Variants in PVT1 observed in about 807,000 individuals in gnomAD.
PVT1 encodes Pvt1 oncogene, also known as CXCR4/PVT1 fusion.
chr8:128,057,137 C>T (rs1161736257), intron 4 of PVT1, among the ~76,000 whole-genome samples: 1 of 152,176 alleles, frequency 6.6e-6, no homozygotes, highest in Non-Finnish European at 1.5e-5. Context: ...GCTGATTTAC[C>T]CCAGGTCCAG....
At chr8:128,047,791 T>A (rs1563674872) in intron 4 of PVT1, among the ~76,000 whole-genome samples, 1 of 152,212 alleles carries the variant, frequency 6.6e-6, no homozygotes. Context: ...TGTGAGATGA[T>A]GCACCTGTTA....
chr8:127,798,447 C>T (rs1385915083), intron 2 of PVT1, among the ~76,000 whole-genome samples: 2 of 152,070 alleles, frequency 1.3e-5, no homozygotes, highest in Non-Finnish European at 2.9e-5. Context: ...TGCCTGCCGA[C>T]CTTTTCTGCA....
intron 3 of PVT1, among the ~76,000 whole-genome samples, chr8:127,980,433 G>C (rs1054174713): frequency 6.6e-6 from 1 of 152,148 alleles, no homozygotes; most frequent in African/African-American, 2.4e-5. Flanking sequence ...CATACTGGGG[G>C]CGTGACTTCC....
intron 3 of PVT1, among the ~76,000 whole-genome samples, chr8:127,961,838 C>G (rs557727534): frequency 3.3e-5 from 5 of 152,366 alleles, no homozygotes; most frequent in South Asian, 2.1e-4. Context: ...AGAGGCCCCC[C>G]CTGCCCGAGT....
At chr8:128,049,258 C>G (rs373728640) in intron 4 of PVT1, 1 of 512,850 alleles carries the variant, frequency 1.9e-6, no homozygotes, top group African/African-American at 2.0e-5. Flanking sequence ...TACACAGAAG[C>G]AGGTCATTTC....
At chr8:127,813,830 T>A (rs530833394) in intron 2 of PVT1, among the ~76,000 whole-genome samples, 2 of 152,212 alleles carry the variant, frequency 1.3e-5, no homozygotes, top group East Asian at 3.9e-4. Flanking sequence ...AGACCCAGGC[T>A]GGAGTGCAAT....
At chr8:128,042,684 C>CGA (rs1813559909) in intron 4 of PVT1, among the ~76,000 whole-genome samples, 1 of 152,158 alleles carries the variant, frequency 6.6e-6, no homozygotes, top group Non-Finnish European at 1.5e-5. Context: ...TGAGCCTTCT[C>CGA]ACCTGTATGA....
chr8:127,895,095 A>G (rs549203323), intron 3 of PVT1, among the ~76,000 whole-genome samples: 2 of 152,366 alleles, frequency 1.3e-5, no homozygotes, highest in South Asian at 4.1e-4. Context: ...CTGGGATTGA[A>G]TTATGAAATA....
intron 3 of PVT1, chr8:127,947,304 T>C (rs1262388166): frequency 4.7e-6 from 1 of 214,530 alleles, no homozygotes; most frequent in East Asian, 1.0e-4. Flanking sequence ...TGGGAAAGAA[T>C]TGGACAGGGA....
chr8:127,812,095 T>C (rs1375337065), intron 2 of PVT1, among the ~76,000 whole-genome samples: 2 of 140,110 alleles, frequency 1.4e-5, no homozygotes, highest in Non-Finnish European at 3.0e-5. Flanking sequence ...GGTGACAGGG[T>C]GAGACATCGT....
chr8:127,860,522 C>T (rs1025935374), intron 2 of PVT1, among the ~76,000 whole-genome samples: 5 of 151,888 alleles, frequency 3.3e-5, no homozygotes, highest in African/African-American at 9.7e-5. Flanking sequence ...CCCAGCACTT[C>T]GGGAGGCCAA....
chr8:128,056,907 C>T lies in PVT1; in HGVS notation n.913-13253C>T, dbSNP rs898363109. On this transcript the variant is annotated intron_variant and non_coding_transcript_variant, in intron 4 of 10. Coordinates refer to ENST00000651587, the Ensembl canonical transcript of PVT1. ...CTGGTTAATTCATTTTCCTTTCCCT[C>T]CCCAGAAAAATTGAATGCATTCTCT... Among the ~76,000 whole-genome samples, 3 of 152,188 alleles carry T rather than the reference C, an allele frequency of 2.0e-5. No individual in the cohort carries two copies. The South Asian group carries it at 6.2e-4, about 32-fold the overall frequency.
chr8:128,057,308 A>G (rs1266277340), intron 4 of PVT1, among the ~76,000 whole-genome samples: 2 of 152,204 alleles, frequency 1.3e-5, no homozygotes, highest in Non-Finnish European at 2.9e-5. Flanking sequence ...GCTAAGGGAT[A>G]ATAGCTTACA....
intron 3 of PVT1, among the ~76,000 whole-genome samples, chr8:127,909,418 G>A (rs1815864071): frequency 6.6e-6 from 1 of 152,190 alleles, no homozygotes; most frequent in Non-Finnish European, 1.5e-5. Flanking sequence ...TCTGAATCAT[G>A]GCTTTGTGCC....
chr8:127,837,589 A>G (rs1814923894), intron 2 of PVT1, among the ~76,000 whole-genome samples: 1 of 152,072 alleles, frequency 6.6e-6, no homozygotes, highest in Admixed American at 6.6e-5. Flanking sequence ...ACTTTGTTTT[A>G]TTAAAGAGAA....
chr8:128,064,021 C>T (rs1813867889), intron 4 of PVT1, among the ~76,000 whole-genome samples: 1 of 152,160 alleles, frequency 6.6e-6, no homozygotes, highest in South Asian at 2.1e-4. Context: ...CCCATCCCCA[C>T]GGATGAGTTA....
chr8:128,086,470 C>A (rs770296312), intron 5 of PVT1, among the ~76,000 whole-genome samples: 14 of 152,190 alleles, frequency 9.2e-5, no homozygotes, highest in Non-Finnish European at 1.9e-4. Flanking sequence ...CAAAGTCACA[C>A]AGCTTGATTA....
chr8:127,928,564 G>A (rs1004494001), intron 3 of PVT1, among the ~76,000 whole-genome samples: 1 of 152,230 alleles, frequency 6.6e-6, no homozygotes, highest in Non-Finnish European at 1.5e-5. Context: ...ACCTAAGCTC[G>A]ATTCCGAGAT....
At chr8:127,939,256 A>C (rs1056247783) in intron 3 of PVT1, among the ~76,000 whole-genome samples, 8 of 150,696 alleles carry the variant, frequency 5.3e-5, no homozygotes, top group African/African-American at 2.0e-4. Flanking sequence ...CCCAACCAGC[A>C]CCTTGGCCCT....
Sources: allele counts gnomAD v4.1 joint callset (sites outside exome capture counted in the v4.1 genomes callset), GRCh38; gene constraint gnomAD v4.1.1; transcripts MANE v1.5; gene names NCBI Gene and HGNC (gene_info 2026-07-23, HGNC 2026-07-21).